The following SNX29 variants were observed in gnomAD, a reference collection of about 807,000 sequenced individuals.
SNX29 encodes sorting nexin 29.
Under a neutral mutation model 102.1 loss-of-function variants are expected in SNX29, and 78 were observed. That is an observed-to-expected ratio of 0.76 (90% CI 0.64 to 0.92). SNX29 has a LOEUF of 0.92. Among genes scored for constraint, SNX29 ranks in the 40% least tolerant of loss-of-function variants. The pLI, the probability that SNX29 is intolerant of heterozygous loss-of-function variation, is 0.00. For missense variants in SNX29, 1,280 were observed against 1,061.7 expected, an observed-to-expected ratio of 1.21 and a Z score of -2.86; for synonymous variants, 580 against 414.5, an observed-to-expected ratio of 1.40 and a Z score of -4.85.
intron 11 of SNX29, among the ~76,000 whole-genome samples, chr16:12,126,105 C>T (rs901526802): frequency 3.9e-5 from 6 of 152,158 alleles, no homozygotes; most frequent in Non-Finnish European, 7.3e-5. Flanking sequence ...TATACAGGAG[C>T]TCAGTAAATC....
At chr16:12,401,092 A>G (rs2083922571) in intron 17 of SNX29, among the ~76,000 whole-genome samples, 1 of 152,058 alleles carries the variant, frequency 6.6e-6, no homozygotes, top group African/African-American at 2.4e-5. Context: ...CGGCCTCCCA[A>G]AGTGTTGAGA....
chr16:12,121,116 G>A (rs557748188), intron 11 of SNX29, among the ~76,000 whole-genome samples: 7 of 152,302 alleles, frequency 4.6e-5, no homozygotes, highest in Admixed American at 1.3e-4. Flanking sequence ...CAGGTCTCAC[G>A]TGTGTTCTGT....
At chr16:12,275,278 CT>C (rs2079209533) in intron 14 of SNX29, among the ~76,000 whole-genome samples, 1 of 152,120 alleles carries the variant, frequency 6.6e-6, no homozygotes, top group African/African-American at 2.4e-5. Flanking sequence ...GCCTGCTCTT[CT>C]GGGAATGAGT....
intron 20 of SNX29, 101 bp from the exon 21 acceptor site, chr16:12,568,405 A>T: frequency 6.7e-6 from 10 of 1,495,704 alleles, no homozygotes; most frequent in Non-Finnish European, 9.0e-6. Context: ...CACAGTTGCC[A>T]ATCAGATCCC....
chr16:12,228,405 G>C (rs1018515512), intron 14 of SNX29, among the ~76,000 whole-genome samples: 2 of 152,238 alleles, frequency 1.3e-5, no homozygotes, highest in Admixed American at 6.5e-5. Context: ...TCGAGGTCAG[G>C]TTCAGCTGCT....
chr16:12,156,067 C>T (rs947073809), intron 13 of SNX29, among the ~76,000 whole-genome samples: 18 of 152,344 alleles, frequency 1.2e-4, no homozygotes, highest in Admixed American at 7.2e-4. Flanking sequence ...ACGTGCGTGG[C>T]GCACACCCCC....
rs561849714 is a variant in SNX29 at position 12,569,784 on chromosome 16, G to A, written c.*1155G>A. The A allele has an allele frequency of 4.3e-6, 1 of 230,280 alleles. No homozygotes were observed. Among genetic ancestry groups the A allele is most frequent in the Non-Finnish European group, 8.6e-6 (1 of 116,236 alleles). 14.3% of individuals were successfully genotyped at this position (230,280 alleles called of 1,614,324 possible). On this transcript the variant is annotated 3_prime_UTR_variant, in exon 21 of 21. Coordinates refer to ENST00000566228, the MANE Select transcript of SNX29 (RefSeq NM_032167.5). ...CATCAGAGCACCTCACAGAGCAATA[G>A]CCGTCCTCAGATGCTCAGCAAAGTT...
intron 13 of SNX29, among the ~76,000 whole-genome samples, chr16:12,163,516 C>T (rs908845903): frequency 6.6e-6 from 1 of 152,166 alleles, no homozygotes; most frequent in Non-Finnish European, 1.5e-5. Flanking sequence ...GGCGATGGAG[C>T]AGCACTGAGG....
At position 12,061,329 on chromosome 16, in the gene SNX29, A is replaced by G. The variant is rs182329704; in HGVS notation, c.1125-199A>G. On this transcript the variant is annotated intron_variant, in intron 8 of 20. Transcript: ENST00000566228. ...AGTGCCTGGCATATAATAGGTGCTCAGTAAACACTGGTTGAGAGAACAAAT... is the reference window on the plus strand; with the variant it reads ...AGTGCCTGGCATATAATAGGTGCTCGGTAAACACTGGTTGAGAGAACAAAT... 3.5e-4 allele frequency among the ~76,000 whole-genome samples: 53 copies of G among 152,364 alleles called. 1 individual carries two copies. Among genetic ancestry groups the G allele is most frequent in the African/African-American group, 1.3e-3 (53 of 41,580 alleles).
chr16:12,277,880 A>G (rs2079304180), intron 14 of SNX29, 53 bp from the exon 15 acceptor site: 3 of 1,487,728 alleles, frequency 2.0e-6, no homozygotes, highest in Admixed American at 2.0e-5. Context: ...TTACTGGGAG[A>G]ATAATTTTCG....
At chr16:12,103,936 T>A (rs925655238) in intron 11 of SNX29, among the ~76,000 whole-genome samples, 2 of 152,240 alleles carry the variant, frequency 1.3e-5, no homozygotes, top group African/African-American at 4.8e-5. Context: ...TTATTCTTCA[T>A]TCCTAGAGTC....
At chr16:12,194,551 C>T (rs1164375089) in intron 13 of SNX29, among the ~76,000 whole-genome samples, 1 of 150,698 alleles carries the variant, frequency 6.6e-6, no homozygotes, top group East Asian at 1.9e-4. Flanking sequence ...GACTCATTTT[C>T]AGTCTTTGGA....
intron 13 of SNX29, among the ~76,000 whole-genome samples, chr16:12,134,538 C>A (rs2054590789): frequency 6.6e-6 from 1 of 152,338 alleles, no homozygotes; most frequent in Non-Finnish European, 1.5e-5. Context: ...CTGCTCCCAA[C>A]ACAGTAGCTG....
rs575055091 is a variant in SNX29 at position 12,210,813 on chromosome 16, C to T, written c.1678+11130C>T. On this transcript the variant is annotated intron_variant, in intron 14 of 20. Transcript: ENST00000566228. ...CCTTCTCTCTTGTTTCACTCTGCTCCGGTCTATTTTGTATTTGTTTGATGG... is the reference window on the plus strand; with the variant it reads ...CCTTCTCTCTTGTTTCACTCTGCTCTGGTCTATTTTGTATTTGTTTGATGG... 5.3e-4 allele frequency among the ~76,000 whole-genome samples: 81 copies of T among 152,146 alleles called. 3 individuals carry two copies. In the South Asian group the frequency reaches 0.013, roughly 24 times the overall value.
chr16:12,444,442 C>A (rs1173891766), intron 18 of SNX29, among the ~76,000 whole-genome samples: 3 of 152,228 alleles, frequency 2.0e-5, no homozygotes, highest in African/African-American at 7.2e-5. Flanking sequence ...GTTCCCTGAG[C>A]CTGCAGCCTC....
chr16:12,160,431 A>G (rs757242031), intron 13 of SNX29, among the ~76,000 whole-genome samples: 38 of 152,324 alleles, frequency 2.5e-4, no homozygotes, highest in Non-Finnish European at 4.9e-4. Flanking sequence ...CAGCCAGAAA[A>G]ATAGTCTTGT....
chr16:12,012,317 T>A (rs2056681388), intron 3 of SNX29, among the ~76,000 whole-genome samples: 1 of 152,072 alleles, frequency 6.6e-6, no homozygotes, highest in Non-Finnish European at 1.5e-5. Context: ...GAGTGTTGTT[T>A]GGTTTGGGAG....
At chr16:12,088,254 G>C (rs548809444) in intron 11 of SNX29, 2 of 390,938 alleles carry the variant, frequency 5.1e-6, no homozygotes, top group East Asian at 7.2e-5. Context: ...AGGCTGCAGC[G>C]GGACCGGCTC....
intron 20 of SNX29, among the ~76,000 whole-genome samples, chr16:12,564,017 G>C (rs1244062067): frequency 1.3e-5 from 2 of 151,994 alleles, no homozygotes; most frequent in Non-Finnish European, 2.9e-5. Flanking sequence ...CCCCAGGGTA[G>C]GGAGTTGAGG....
Sources: allele counts gnomAD v4.1 joint callset (sites outside exome capture counted in the v4.1 genomes callset), GRCh38; gene constraint gnomAD v4.1.1; transcripts MANE v1.5; gene names NCBI Gene and HGNC (gene_info 2026-07-23, HGNC 2026-07-21).